PSTPIP2: variants seen among roughly 807,000 people sequenced by gnomAD.
The protein encoded by PSTPIP2 is proline-serine-threonine phosphatase interacting protein 2.
A neutral mutation model predicts 63.3 loss-of-function variants in PSTPIP2; 33 were observed. That is an observed-to-expected ratio of 0.52 (90% CI 0.40 to 0.70). PSTPIP2 has a LOEUF of 0.70. Ranked by LOEUF, PSTPIP2 falls within the 30% of genes least tolerant of loss-of-function variation. PSTPIP2 has a pLI of 0.00. For synonymous variants in PSTPIP2, 125 were observed against 132.7 expected (o/e 0.94, Z 0.40); for missense variants, 312 against 400.7 (o/e 0.78, Z 1.89).
chr18:46,057,101 C>G (rs985356673), intron 1 of PSTPIP2, among the ~76,000 whole-genome samples: 2 of 152,042 alleles, frequency 1.3e-5, no homozygotes, highest in African/African-American at 4.8e-5. Context: ...AAGACTCCAT[C>G]TCAAAGGAAA....
At chr18:46,014,155 T>C (rs1012595557) in intron 4 of PSTPIP2, among the ~76,000 whole-genome samples, 1 of 152,074 alleles carries the variant, frequency 6.6e-6, no homozygotes, top group African/African-American at 2.4e-5. Context: ...CTGGAGTAGC[T>C]GGGACTACAG....
intron 1 of PSTPIP2, 134 bp from the exon 2 acceptor site, chr18:46,040,181 A>G: frequency 1.7e-6 from 1 of 595,990 alleles, no homozygotes; most frequent in South Asian, 2.3e-5. Flanking sequence ...GCAGGGACCC[A>G]CTTAGGAGCC....
intron 2 of PSTPIP2, among the ~76,000 whole-genome samples, chr18:46,034,199 G>A (rs1414286878): frequency 2.6e-5 from 4 of 152,072 alleles, no homozygotes; most frequent in Non-Finnish European, 5.9e-5. Flanking sequence ...GAGGCACCGG[G>A]GCTGTGGATC....
chr18:45,997,873 G>A (rs1416811089), intron 8 of PSTPIP2, 45 bp from the exon 9 acceptor site: 6 of 1,565,840 alleles, frequency 3.8e-6, no homozygotes, highest in South Asian at 2.2e-5. Flanking sequence ...AGACAGGAAG[G>A]TGGCTCGCAG....
chr18:45,990,260 T>C (rs923369939), intron 13 of PSTPIP2, among the ~76,000 whole-genome samples: 13 of 152,242 alleles, frequency 8.5e-5, no homozygotes, highest in Non-Finnish European at 1.3e-4. Flanking sequence ...CCAATTATCA[T>C]ATTCCACTCT....
chr18:46,029,449 G>C lies in PSTPIP2; in HGVS notation c.135-4763C>G, dbSNP rs1907710694. ...ATGTTTGGGATGTGAACTCAAGGAG[G>C]TGCCTTAACAGATTTGTTGATTAAG... On this transcript the variant is annotated intron_variant, in intron 2 of 14. Transcript: ENST00000409746. 6 of 1,306,760 alleles carry C rather than the reference G, an allele frequency of 4.6e-6. No homozygotes were observed. In the East Asian group the frequency reaches 1.4e-4, roughly 30 times the overall value. 80.9% of individuals were successfully genotyped at this position (1,306,760 alleles called of 1,614,324 possible). A position where few individuals can be genotyped will look rare whatever the true frequency, so the allele number is the denominator to read the frequency against.
intron 5 of PSTPIP2, 31 bp from the exon 6 acceptor site, chr18:46,005,562 A>C (rs190244230): frequency 2.5e-5 from 36 of 1,455,998 alleles, no homozygotes; most frequent in Middle Eastern, 3.8e-4. Flanking sequence ...CTCTTAATAA[A>C]AACACAAATC....
intron 2 of PSTPIP2, among the ~76,000 whole-genome samples, chr18:46,032,337 A>T (rs751242699): frequency 2.6e-5 from 4 of 152,144 alleles, no homozygotes; most frequent in South Asian, 4.1e-4. Context: ...AGGCAATACC[A>T]CACCTCTTGC....
At chr18:45,995,300 G>T (rs769890677) in intron 9 of PSTPIP2, among the ~76,000 whole-genome samples, 1 of 151,842 alleles carries the variant, frequency 6.6e-6, no homozygotes, top group Non-Finnish European at 1.5e-5. Flanking sequence ...ACAAAATTTC[G>T]CTGTGTTGCC....
chr18:46,021,277 A>G (rs1461133130), intron 3 of PSTPIP2, among the ~76,000 whole-genome samples: 1 of 152,224 alleles, frequency 6.6e-6, no homozygotes, highest in African/African-American at 2.4e-5. Context: ...AATTGGTTAC[A>G]TAATCACACA....
intron 9 of PSTPIP2, among the ~76,000 whole-genome samples, chr18:45,997,540 G>A (rs1051947088): frequency 1.3e-5 from 2 of 151,650 alleles, no homozygotes; most frequent in Non-Finnish European, 2.9e-5. Flanking sequence ...TGAGAATCCG[G>A]GCAGATCATT....
At chr18:46,064,470 T>TC (rs2144136056) in intron 1 of PSTPIP2, among the ~76,000 whole-genome samples, 1 of 145,882 alleles carries the variant, frequency 6.9e-6, no homozygotes, top group Non-Finnish European at 1.5e-5. Flanking sequence ...TTTTTTTTTT[T>TC]TTTTTTTTAA....
intron 1 of PSTPIP2, among the ~76,000 whole-genome samples, chr18:46,056,332 C>T (rs1223136777): frequency 6.6e-6 from 1 of 152,226 alleles, no homozygotes; most frequent in East Asian, 1.9e-4. Context: ...TTAAAGTACT[C>T]ATTGGTCCAA....
intron 1 of PSTPIP2, among the ~76,000 whole-genome samples, chr18:46,044,434 C>A (rs1908306940): frequency 6.6e-6 from 1 of 152,058 alleles, no homozygotes; most frequent in Non-Finnish European, 1.5e-5. Flanking sequence ...ATAAATGGTG[C>A]TGGGAAAACT....
intron 1 of PSTPIP2, among the ~76,000 whole-genome samples, chr18:46,071,801 AG>A (rs1185841545): frequency 3.3e-5 from 5 of 151,970 alleles, no homozygotes; most frequent in Non-Finnish European, 7.4e-5. Flanking sequence ...CTGTGAGAGG[AG>A]GGGTTGATGT....
In PSTPIP2 at chr18:46,072,158, A is replaced by G. The variant is rs983534121; in HGVS notation, c.31T>C (p.Trp11Arg). Reference protein sequence around the residue: MTRSLFKGNFWSADILSTIGY... With the variant: MTRSLFKGNFRSADILSTIGY... ...CCGCTGTCGGCCCCACGACTTACCC[A>G]AAAGTTTCCCTTGAACAGTGAGCGC... The change falls in exon 1 of 15, where the codon TGG becomes CGG. Residue 11 changes from tryptophan to arginine, a missense_variant and splice_region_variant. Physicochemically the swap from Trp to Arg is moderately radical, Grantham distance 101. Transcript: ENST00000409746. 6.5e-7 allele frequency: 1 copy of G among 1,535,402 alleles called. No individual in the cohort carries two copies. Among genetic ancestry groups the G allele is most frequent in the African/African-American group, 1.4e-5 (1 of 70,760 alleles).
At chr18:45,990,429 TTTG>T (rs1418846759) in intron 13 of PSTPIP2, among the ~76,000 whole-genome samples, 14 of 91,342 alleles carry the variant, frequency 1.5e-4, no homozygotes, top group African/African-American at 1.2e-3. Context: ...GGTTTTTTTG[TTTG>T]TTTGTTTGTT....
intron 3 of PSTPIP2, among the ~76,000 whole-genome samples, chr18:46,021,844 G>C (rs1348792303): frequency 3.8e-5 from 3 of 78,460 alleles, no homozygotes; most frequent in Non-Finnish European, 6.2e-5. Context: ...GCGAGACTCT[G>C]TCTCAAAAAA....
intron 1 of PSTPIP2, among the ~76,000 whole-genome samples, chr18:46,048,485 G>T (rs1165820254): frequency 6.6e-6 from 1 of 152,120 alleles, no homozygotes; most frequent in Non-Finnish European, 1.5e-5. Flanking sequence ...TTGACCAAAG[G>T]ATCAAAGTTA....
Sources: allele counts gnomAD v4.1 joint callset (sites outside exome capture counted in the v4.1 genomes callset), GRCh38; gene constraint gnomAD v4.1.1; transcripts MANE v1.5; gene names NCBI Gene and HGNC (gene_info 2026-07-23, HGNC 2026-07-21).